ZCCHC7: variants seen among roughly 807,000 people sequenced by gnomAD.
ZCCHC7 encodes zinc finger CCHC-type containing 7.
A neutral mutation model predicts 52.0 loss-of-function variants in ZCCHC7; 35 were observed. The observed-to-expected ratio is 0.67, with a 90% CI of 0.51 to 0.89. The LOEUF is 0.89. Ranked by LOEUF, ZCCHC7 falls within the 40% of genes least tolerant of loss-of-function variation. ZCCHC7 has a pLI of 0.00. For synonymous variants in ZCCHC7, 217 were observed against 221.5 expected, an observed-to-expected ratio of 0.98 and a Z score of 0.18; for missense variants, 574 against 649.1, an observed-to-expected ratio of 0.88 and a Z score of 1.26.
At chr9:37,161,839 G>T (rs558357648) in intron 2 of ZCCHC7, among the ~76,000 whole-genome samples, 1 of 152,156 alleles carries the variant, frequency 6.6e-6, no homozygotes, top group East Asian at 1.9e-4. Context: ...CTTGAAGACC[G>T]TGGCATGGCA....
At chr9:37,161,627 G>C (rs1429667440) in intron 2 of ZCCHC7, among the ~76,000 whole-genome samples, 3 of 152,012 alleles carry the variant, frequency 2.0e-5, no homozygotes, top group Admixed American at 2.0e-4. Flanking sequence ...ACTGCTTCAA[G>C]GCCAGTGCTC....
chr9:37,126,265 A>T, intron 1 of ZCCHC7, 47 bp from the exon 2 acceptor site: 1 of 1,516,228 alleles, frequency 6.6e-7, no homozygotes, highest in Non-Finnish European at 8.8e-7. Flanking sequence ...AACTGGCATG[A>T]TCTGAACTTT....
At chr9:37,244,635 C>A (rs976840680) in intron 2 of ZCCHC7, among the ~76,000 whole-genome samples, 2 of 151,618 alleles carry the variant, frequency 1.3e-5, no homozygotes, top group African/African-American at 4.8e-5. Flanking sequence ...CTGTTAAAAC[C>A]CAAGTAATCC....
intron 2 of ZCCHC7, among the ~76,000 whole-genome samples, chr9:37,200,380 A>G (rs977444187): frequency 2.6e-5 from 4 of 152,198 alleles, no homozygotes; most frequent in African/African-American, 9.6e-5. Flanking sequence ...AGCTGACACC[A>G]AGTTTTCCCC....
At chr9:37,132,744 G>T (rs1297492096) in intron 2 of ZCCHC7, among the ~76,000 whole-genome samples, 1 of 152,142 alleles carries the variant, frequency 6.6e-6, no homozygotes, top group Non-Finnish European at 1.5e-5. Context: ...ATACTTTTAA[G>T]TCCGGGGTGT....
intron 2 of ZCCHC7, among the ~76,000 whole-genome samples, chr9:37,281,807 T>G (rs1462633187): frequency 6.6e-6 from 1 of 152,206 alleles, no homozygotes; most frequent in Non-Finnish European, 1.5e-5. Flanking sequence ...CCTGGCAGGT[T>G]TTATTTCCTA....
At chr9:37,315,874 T>A (rs1325783334) in intron 5 of ZCCHC7, among the ~76,000 whole-genome samples, 1 of 144,260 alleles carries the variant, frequency 6.9e-6, no homozygotes, top group African/African-American at 2.5e-5. Flanking sequence ...TATATAAGCA[T>A]CCCTAAACCA....
At chr9:37,242,444 A>G (rs957675644) in intron 2 of ZCCHC7, among the ~76,000 whole-genome samples, 9 of 151,832 alleles carry the variant, frequency 5.9e-5, no homozygotes, top group African/African-American at 1.9e-4. Context: ...CTTGCTTCCC[A>G]TGATACTTGG....
At position 37,285,137 on chromosome 9, in the gene ZCCHC7, T is replaced by C. The variant is rs190171952; in HGVS notation, c.611-17051T>C. The stretch of plus-strand genomic sequence containing the variant: ...ATTAATAGAGAAAATTGTCCAGATA[T>C]CCAGCGCTTGGATTTTTGTTTGAGA... On this transcript the variant is annotated intron_variant, in intron 2 of 8. Coordinates refer to ENST00000336755, the MANE Select transcript of ZCCHC7 (RefSeq NM_032226.3). 1.6e-3 allele frequency among the ~76,000 whole-genome samples: 247 copies of C among 152,278 alleles called. 1 individual carries two copies. The highest frequency in any genetic ancestry group is 5.7e-3 in the African/African-American group (237 of 41,568).
intron 2 of ZCCHC7, among the ~76,000 whole-genome samples, chr9:37,269,634 A>AC (rs1827298226): frequency 2.0e-5 from 3 of 149,644 alleles, no homozygotes; most frequent in South Asian, 2.1e-4. Flanking sequence ...AAAAAAAAAA[A>AC]AAAAAAAAAA....
At chr9:37,160,296 G>C (rs1456453128) in intron 2 of ZCCHC7, 1 of 152,178 alleles carries the variant, frequency 6.6e-6, no homozygotes, top group African/African-American at 2.4e-5. Context: ...GATCATTTGA[G>C]CCCAGGAGTT....
chr9:37,182,393 C>G (rs1822408796), intron 2 of ZCCHC7, among the ~76,000 whole-genome samples: 1 of 150,354 alleles, frequency 6.7e-6, no homozygotes, highest in East Asian at 2.0e-4. Flanking sequence ...GCTCTGTTGC[C>G]TAGGCTGGAT....
At chr9:37,164,331 G>A (rs1005512323) in intron 2 of ZCCHC7, among the ~76,000 whole-genome samples, 1 of 152,050 alleles carries the variant, frequency 6.6e-6, no homozygotes, top group African/African-American at 2.4e-5. Context: ...TGTAATCCCA[G>A]CTCCTTGGGA....
At chr9:37,204,669 TCTGTTTTGGTACCAGTACCATG>T (rs1823811164) in intron 2 of ZCCHC7, among the ~76,000 whole-genome samples, 1 of 152,184 alleles carries the variant, frequency 6.6e-6, no homozygotes, top group South Asian at 2.1e-4. Context: ...GGTCTATATG[TCTGTTTTGGTACCAGTACCATG>T]CTGTTTTGGT....
At chr9:37,332,497 A>G (rs1830488050) in intron 6 of ZCCHC7, among the ~76,000 whole-genome samples, 2 of 151,616 alleles carry the variant, frequency 1.3e-5, no homozygotes, top group South Asian at 2.1e-4. Flanking sequence ...TGTTATTTAA[A>G]TACTTATCTT....
chr9:37,146,325 G>A (rs1406944223), intron 2 of ZCCHC7, among the ~76,000 whole-genome samples: 3 of 151,760 alleles, frequency 2.0e-5, no homozygotes, highest in Non-Finnish European at 3.0e-5. Context: ...GATGGCCCTT[G>A]CTTTCTGATA....
At chr9:37,199,640 T>G (rs1181464434) in intron 2 of ZCCHC7, among the ~76,000 whole-genome samples, 1 of 148,902 alleles carries the variant, frequency 6.7e-6, no homozygotes, top group African/African-American at 2.5e-5. Context: ...GCCCTACTGT[T>G]TCTTTTTCTG....
At chr9:37,156,047 GT>G (rs1820796204) in intron 2 of ZCCHC7, among the ~76,000 whole-genome samples, 1 of 152,166 alleles carries the variant, frequency 6.6e-6, no homozygotes, top group African/African-American at 2.4e-5. Context: ...GGCCATGTTA[GT>G]TCATGTGTGT....
In ZCCHC7 at chr9:37,327,838, A is replaced by C; in HGVS notation, c.987+4A>C. On this transcript the variant is annotated splice_donor_region_variant and intron_variant, in intron 6 of 8. Transcript: ENST00000336755. ...CTGGAGGCAGTATCACCTAACGGTGAGTAGAAACACCTTTTTTATTTTCCC... is the reference window on the plus strand; with the variant it reads ...CTGGAGGCAGTATCACCTAACGGTGCGTAGAAACACCTTTTTTATTTTCCC... 1 of 1,612,962 alleles carries C rather than the reference A, an allele frequency of 6.2e-7. No homozygotes were observed. The highest frequency in any genetic ancestry group is 8.5e-7 in the Non-Finnish European group (1 of 1,179,200).
Sources: gnomAD v4.1 joint callset for allele counts (sites outside exome capture counted in the v4.1 genomes callset) on GRCh38, gnomAD v4.1.1 for gene constraint, MANE v1.5 for transcripts, NCBI Gene and HGNC (gene_info 2026-07-23, HGNC 2026-07-21) for gene names.